MSTN: variants seen among roughly 807,000 people sequenced by gnomAD.
MSTN encodes the protein growth/differentiation factor 8.
MSTN carries 12 observed loss-of-function variants against 32.3 expected under a neutral mutation model. That is an observed-to-expected ratio of 0.37 (90% CI 0.24 to 0.60). The LOEUF is 0.60. MSTN is among the 20% of genes least tolerant of loss of function. The pLI is 0.67. For missense variants in MSTN, 403 were observed against 450.3 expected (o/e 0.89, Z 0.95); for synonymous variants, 168 against 155.1 (o/e 1.08, Z -0.62).
chr2:190,056,875 T>C lies in MSTN; in HGVS notation c.*383A>G, dbSNP rs1408243834. On this transcript the variant is annotated 3_prime_UTR_variant, in exon 3 of 3. Transcript: ENST00000260950. Reference sequence around the variant, plus strand: ...TAACAATCCTGCATTTTACCAATACTGTATGTGGATTTTTCTGTAAATATT... The same window carrying C: ...TAACAATCCTGCATTTTACCAATACCGTATGTGGATTTTTCTGTAAATATT... 1 of 224,992 alleles carries C rather than the reference T, an allele frequency of 4.4e-6. No homozygotes were observed. Among genetic ancestry groups the C allele is most frequent in the African/African-American group, 2.3e-5 (1 of 42,934 alleles). The allele number at this position is 224,992 out of a possible 1,614,324, so 13.9% of individuals were successfully genotyped here. A position where few individuals can be genotyped will look rare whatever the true frequency, so the allele number is the denominator to read the frequency against.
chr2:190,057,968 G>GGA (rs1685483280), intron 2 of MSTN, among the ~76,000 whole-genome samples: 1 of 151,916 alleles, frequency 6.6e-6, no homozygotes, highest in African/African-American at 2.4e-5. Flanking sequence ...AAGGAAGAAA[G>GGA]GAGAGAGAGA....
At chr2:190,058,798 C>G (rs549814137) in intron 2 of MSTN, among the ~76,000 whole-genome samples, 6 of 151,850 alleles carry the variant, frequency 4.0e-5, no homozygotes, top group Non-Finnish European at 7.4e-5. Flanking sequence ...GCTATGCGTA[C>G]GCAAAGACAT....
At chr2:190,058,210 T>C (rs1456985007) in intron 2 of MSTN, among the ~76,000 whole-genome samples, 2 of 152,060 alleles carry the variant, frequency 1.3e-5, no homozygotes, top group Non-Finnish European at 2.9e-5. Context: ...AAAATGTTTC[T>C]ATTCAGGTAT....
intron 2 of MSTN, among the ~76,000 whole-genome samples, chr2:190,058,892 G>C (rs2105751052): frequency 6.6e-6 from 1 of 151,918 alleles, no homozygotes; most frequent in African/African-American, 2.4e-5. Context: ...ACACTACTTG[G>C]AGTGATGGGT....
chr2:190,059,349 A>T (rs1010092048), intron 2 of MSTN, among the ~76,000 whole-genome samples: 1 of 151,952 alleles, frequency 6.6e-6, no homozygotes, highest in Admixed American at 6.6e-5. Flanking sequence ...TTGGCCTGGT[A>T]CTAAATTAGT....
chr2:190,056,896 A>G lies in MSTN; in HGVS notation c.*362T>C, dbSNP rs918991553. The G allele has an allele frequency of 4.4e-6, 1 of 228,986 alleles. No individual in the cohort carries two copies. The highest frequency in any genetic ancestry group is 2.3e-5 in the African/African-American group (1 of 43,242). The allele number at this position is 228,986 out of a possible 1,614,324, so 14.2% of individuals were successfully genotyped here. ...ATACTGTATGTGGATTTTTCTGTAA[A>G]TATTAAACAAAACTTTAAAGAAATA... On this transcript the variant is annotated 3_prime_UTR_variant, in exon 3 of 3. Transcript: ENST00000260950.
intron 2 of MSTN, among the ~76,000 whole-genome samples, chr2:190,059,732 A>T (rs1685539214): frequency 6.6e-6 from 1 of 151,966 alleles, no homozygotes; most frequent in African/African-American, 2.4e-5. Flanking sequence ...CACTATATAG[A>T]GTTAATATTT....
At chr2:190,058,765 TCTTA>T (rs1438885756) in intron 2 of MSTN, among the ~76,000 whole-genome samples, 1 of 152,024 alleles carries the variant, frequency 6.6e-6, no homozygotes, top group Non-Finnish European at 1.5e-5. Context: ...TACCATACGT[TCTTA>T]CTTACAAGTG....
In MSTN at chr2:190,057,289, G is replaced by A. The variant is rs774592036; in HGVS notation, c.1097C>T (p.Ala366Val). The A allele has an allele frequency of 8.1e-6, 13 of 1,613,098 alleles. No homozygotes were observed. The highest frequency in any genetic ancestry group is 6.6e-5 in the South Asian group (6 of 91,062). ...KEQIIYGKIP[A>V]MVVDRCGCS is the part of the protein sequence containing the mutation. ...GCACCCACAGCGGTCTACTACCATC[G>A]CTGGAATTTTCCCATATATTATTTG... Residue 366 changes from alanine (A) to valine (V), a missense_variant, in exon 3 of 3, where the codon GCG becomes GTG. Transcript: ENST00000260950.
chr2:190,061,853 T>C (rs1431603111), intron 1 of MSTN, among the ~76,000 whole-genome samples: 1 of 151,896 alleles, frequency 6.6e-6, no homozygotes, highest in Non-Finnish European at 1.5e-5. Flanking sequence ...AAAAAACTTA[T>C]TTTACACAAC....
In MSTN at chr2:190,060,194, G is replaced by A; in HGVS notation, c.615C>T (p.Ser205=). ...DMNPGTGIWQ[S]IDVKTVLQNW... is the part of the protein sequence containing the mutation. ...TTTGCAACACTGTCTTCACATCAAT[G>A]CTCTGCCAAATACCAGTGCCTGGGT... The change falls in exon 2 of 3, where the codon AGC becomes AGT. Residue 205 remains serine, a synonymous_variant. Coordinates refer to ENST00000260950, the MANE Select transcript of MSTN (RefSeq NM_005259.3). 1 of 1,613,024 alleles carries A rather than the reference G, an allele frequency of 6.2e-7. No individual in the cohort carries two copies. The highest frequency in any genetic ancestry group is 8.5e-7 in the Non-Finnish European group (1 of 1,179,276).
In MSTN at chr2:190,057,598, C is replaced by A; in HGVS notation, c.788G>T (p.Arg263Ile). The change falls in exon 3 of 3, where the codon AGA (arginine) becomes ATA (isoleucine). Residue 263 changes from arginine (R) to isoleucine (I), a missense_variant. Physicochemically the swap from Arg to Ile is moderately conservative, Grantham distance 97. Transcript: ENST00000260950. ...LEVKVTDTPK[R>I]SRRDFGLDCD... ...GTCAAGACCAAAATCCCTTCTGGAT[C>A]TTTTTGGTGTGTCTGTTACCTTGAC... The A allele has an allele frequency of 6.2e-7, 1 of 1,613,288 alleles. No homozygotes were observed. Among genetic ancestry groups the A allele is most frequent in the Non-Finnish European group, 8.5e-7 (1 of 1,179,392 alleles).
chr2:190,058,849 G>A (rs1424393167), intron 2 of MSTN, among the ~76,000 whole-genome samples: 5 of 151,894 alleles, frequency 3.3e-5, no homozygotes, highest in African/African-American at 9.7e-5. Flanking sequence ...AGAAAGGGAT[G>A]AGGGATTAAA....
At chr2:190,061,146 C>T (rs754937221) in intron 1 of MSTN, among the ~76,000 whole-genome samples, 16 of 152,058 alleles carry the variant, frequency 1.1e-4, no homozygotes, top group Middle Eastern at 3.4e-3. Flanking sequence ...CTGCTCCAGA[C>T]CTATTTGATA....
rs1195446819 is a variant in MSTN, at chr2:190,055,985, G to A, written c.*1273C>T. On this transcript the variant is annotated 3_prime_UTR_variant, in exon 3 of 3. Coordinates refer to ENST00000260950, the MANE Select transcript of MSTN (RefSeq NM_005259.3). ...TTTGCAAGTATTAAAATAATGGAAC[G>A]TTGAGATTTAAACACAATGACAGTA... 4 of 152,468 alleles carry A rather than the reference G, an allele frequency of 2.6e-5. No homozygotes were observed. The highest frequency in any genetic ancestry group is 7.2e-5 in the African/African-American group (3 of 41,414). The allele number at this position is 152,468 out of a possible 1,614,324, so 9.4% of individuals were successfully genotyped here. A position where few individuals can be genotyped will look rare whatever the true frequency, so the allele number is the denominator to read the frequency against.
At chr2:190,058,139 A>G (rs16832286) in intron 2 of MSTN, among the ~76,000 whole-genome samples, 1,783 of 152,190 alleles carry the variant, frequency 0.012, 42 homozygotes, top group African/African-American at 0.041. Context: ...AAACCAGGGC[A>G]AAATAGGGAA....
In MSTN at chr2:190,056,939, C is replaced by T; in HGVS notation, c.*319G>A. The T allele has an allele frequency of 3.3e-6, 1 of 299,378 alleles. No homozygotes were observed. Among genetic ancestry groups the T allele is most frequent in the East Asian group, 7.6e-5 (1 of 13,144 alleles). 18.5% of individuals were successfully genotyped at this position (299,378 alleles called of 1,614,324 possible). A position where few individuals can be genotyped will look rare whatever the true frequency, so the allele number is the denominator to read the frequency against. ...AAGAAATAGACTTTAAAGCATACTC[C>T]TTTAATTCATCAGAACTCAAGGAGA... On this transcript the variant is annotated 3_prime_UTR_variant, in exon 3 of 3. Transcript: ENST00000260950.
intron 1 of MSTN, among the ~76,000 whole-genome samples, 197 bp downstream of exon 1, chr2:190,062,027 A>G (rs566599254): frequency 6.6e-6 from 1 of 152,194 alleles, no homozygotes; most frequent in African/African-American, 2.4e-5. Context: ...TTGTCTCTAT[A>G]AGAAAACAAA....
In MSTN at chr2:190,057,066, A is replaced by G. The variant is rs1685455045; in HGVS notation, c.*192T>C. The stretch of plus-strand genomic sequence containing the variant: ...TCTGGAAATCATAAAACTTTCTTGT[A>G]TGATTTGTTTGGATGGTTAAATGCC... On this transcript the variant is annotated 3_prime_UTR_variant, in exon 3 of 3. Transcript: ENST00000260950. 2 of 594,720 alleles carry G rather than the reference A, an allele frequency of 3.4e-6. No individual in the cohort carries two copies. Among genetic ancestry groups the G allele is most frequent in the African/African-American group, 1.9e-5 (1 of 53,770 alleles). 36.8% of individuals were successfully genotyped at this position (594,720 alleles called of 1,614,324 possible). A position where few individuals can be genotyped will look rare whatever the true frequency, so the allele number is the denominator to read the frequency against.
Sources: allele counts gnomAD v4.1 joint callset (sites outside exome capture counted in the v4.1 genomes callset), GRCh38; gene constraint gnomAD v4.1.1; transcripts MANE v1.5; gene names NCBI Gene and HGNC (gene_info 2026-07-23, HGNC 2026-07-21).